NOM1: variants seen among roughly 807,000 people sequenced by gnomAD.
NOM1 encodes nucleolar MIF4G domain-containing protein 1.
A neutral mutation model predicts 73.3 loss-of-function variants in NOM1; 58 were observed. That is an observed-to-expected ratio of 0.79 (90% CI 0.64 to 0.99). The LOEUF (loss-of-function observed/expected upper bound fraction) is 0.99, where lower values mean the gene tolerates loss of function less well. Ranked by LOEUF, NOM1 falls within the 50% of genes least tolerant of loss-of-function variation. The pLI, the probability that NOM1 is intolerant of heterozygous loss-of-function variation, is 0.00. For synonymous variants in NOM1, 487 were observed against 446.8 expected (o/e 1.09, Z -1.14); for missense variants, 1,226 against 1,131.9 (o/e 1.08, Z -1.19).
At position 156,969,860 on chromosome 7, in the gene NOM1, T is replaced by C. The variant is rs1042418631; in HGVS notation, c.*157T>C. On this transcript the variant is annotated 3_prime_UTR_variant, in exon 11 of 11. Coordinates refer to ENST00000275820, the MANE Select transcript of NOM1 (RefSeq NM_138400.2). ...AGATTTTTTTTGATCTAAGGTTTTA[T>C]TGTTTGTATTTCAAGCCATTTTCAA... The C allele has an allele frequency of 1.5e-6, 1 of 682,494 alleles. No homozygotes were observed. Among genetic ancestry groups the C allele is most frequent in the Non-Finnish European group, 2.2e-6 (1 of 454,126 alleles). The allele number at this position is 682,494 out of a possible 1,614,324, so 42.3% of individuals were successfully genotyped here.
At chr7:156,956,027 A>G (rs1219422549) in intron 3 of NOM1, among the ~76,000 whole-genome samples, 3 of 152,024 alleles carry the variant, frequency 2.0e-5, no homozygotes, top group Non-Finnish European at 2.9e-5. Flanking sequence ...CGTCTCTACT[A>G]AAAATACAAA....
At chr7:156,967,542 T>TTC (rs1554589236) in intron 9 of NOM1, among the ~76,000 whole-genome samples, 5 of 151,206 alleles carry the variant, frequency 3.3e-5, no homozygotes, top group African/African-American at 9.7e-5. Flanking sequence ...TCTTTTTTCT[T>TTC]CCCCCCCCAA....
chr7:156,957,774 C>CAAAAAA (rs10549596), intron 3 of NOM1, among the ~76,000 whole-genome samples: 195 of 115,414 alleles, frequency 1.7e-3, no homozygotes, highest in East Asian at 2.3e-3. Context: ...GACTCCGTCT[C>CAAAAAA]AAAAAAAAAA....
At chr7:156,968,979 G>C in intron 9 of NOM1, 108 bp from the exon 10 acceptor site, 1 of 678,066 alleles carries the variant, frequency 1.5e-6, no homozygotes, top group South Asian at 1.6e-5. Flanking sequence ...CGGGTAGAGT[G>C]GGGGAAGGGG....
chr7:156,965,363 G>T (rs1804968199), intron 7 of NOM1, among the ~76,000 whole-genome samples: 1 of 152,240 alleles, frequency 6.6e-6, no homozygotes, highest in African/African-American at 2.4e-5. Flanking sequence ...CAAGAGCATG[G>T]TGACTCTCGA....
rs1804933007 is a variant in NOM1 at position 156,963,931 on chromosome 7, C to T, written c.1938C>T (p.Ala646=). Residue 646 remains alanine, a synonymous_variant, in exon 7 of 11, where the codon GCC becomes GCT. Coordinates refer to ENST00000275820, the MANE Select transcript of NOM1 (RefSeq NM_138400.2). ...TCAGTTCAAAGATCCTAGAACTCGC[C>T]CGGAAGCAGAGGATGAACACAGACA... The part of the protein sequence containing the change: ...GTVSSKILEL[A]RKQRMNTDIR... 2 of 1,613,882 alleles carry T rather than the reference C, an allele frequency of 1.2e-6. No individual in the cohort carries two copies. The highest frequency in any genetic ancestry group is 1.7e-6 in the Non-Finnish European group (2 of 1,179,954).
At chr7:156,961,950 C>G (rs2134788414) in intron 4 of NOM1, among the ~76,000 whole-genome samples, 1 of 152,142 alleles carries the variant, frequency 6.6e-6, no homozygotes, top group South Asian at 2.1e-4. Context: ...TTGGGGGACA[C>G]ATTTCCATTT....
rs1804745799 is a variant in NOM1 at position 156,957,218 on chromosome 7, A to G, written c.1309-2633A>G. On this transcript the variant is annotated intron_variant, in intron 3 of 10. Transcript: ENST00000275820. ...TCCATTCAGCTGCTTTCAGTCCTGTACCGAGAAAAACATTCTGTGTTAAAG... is the reference window on the plus strand; with the variant it reads ...TCCATTCAGCTGCTTTCAGTCCTGTGCCGAGAAAAACATTCTGTGTTAAAG... Among the ~76,000 whole-genome samples, 2 of 152,190 alleles carry G rather than the reference A, an allele frequency of 1.3e-5. 1 individual carries two copies. Among genetic ancestry groups the G allele is most frequent in the South Asian group, 4.1e-4 (2 of 4,832 alleles).
rs1031874838 is a variant in NOM1, at chr7:156,967,097, G to A, written c.2298+5G>A. 2.5e-6 allele frequency: 4 copies of A among 1,610,304 alleles called. No individual in the cohort carries two copies. The highest frequency in any genetic ancestry group is 3.4e-6 in the Non-Finnish European group (4 of 1,178,888). On this transcript the variant is annotated splice_donor_5th_base_variant and intron_variant, in intron 9 of 10. Transcript: ENST00000275820. ...CTTTCCCTTTCCATCTTAAAGGTTC[G>A]TGTAACGTGTGAAAATATTGAAAGC...
Position 156,966,997 on chromosome 7 carries a change from G to T in NOM1, c.2203G>T (p.Asp735Tyr). ...GTTCAGCATATGGGACAAATTTCGG[G>T]ACTTGGAAAACTTGCCAGCTACGAA... ...FQFSIWDKFR[D>Y]LENLPATNFS... The change falls in exon 9 of 11, where the codon GAC (aspartate) becomes TAC (tyrosine). Residue 735 changes from aspartate (D) to tyrosine (Y), a missense_variant. Coordinates refer to ENST00000275820, the MANE Select transcript of NOM1 (RefSeq NM_138400.2). 1 of 1,613,642 alleles carries T rather than the reference G, an allele frequency of 6.2e-7. No individual in the cohort carries two copies. Among genetic ancestry groups the T allele is most frequent in the South Asian group, 1.1e-5 (1 of 91,012 alleles).
At position 156,969,561 on chromosome 7, in the gene NOM1, G is replaced by A. The variant is rs745759785; in HGVS notation, c.2441G>A (p.Arg814His). 28 of 1,613,758 alleles carry A rather than the reference G, an allele frequency of 1.7e-5. No homozygotes were observed. The highest frequency in any genetic ancestry group is 4.4e-5 in the South Asian group (4 of 91,068). ...GACAACCCAAAGCTGGGGGTGTTAC[G>A]TGAGGGTTTGAAGCTTTTCATCAGC... ...VSDNPKLGVL[R>H]EGLKLFISHF... The change falls in exon 11 of 11, where the codon CGT (arginine) becomes CAT (histidine). Residue 814 changes from arginine to histidine, a missense_variant. Coordinates refer to ENST00000275820, the MANE Select transcript of NOM1 (RefSeq NM_138400.2).
At chr7:156,959,799 A>T in intron 3 of NOM1, 52 bp from the exon 4 acceptor site, 13 of 1,539,250 alleles carry the variant, frequency 8.4e-6, no homozygotes, top group Non-Finnish European at 1.2e-5. Context: ...GTTGAAGGAG[A>T]AAGGAAGGTT....
rs34176770 is a variant in NOM1, at chr7:156,954,522, C to CTTTTTTTTTTTTTTT, written c.1308+230_1308+244dup. ...ACTTTGCTTTTTTGTTCTGTCCATT[C>CTTTTTTTTTTTTTTT]TTTTTTTTTTTTTTTTTTTTGAGAC... On this transcript the variant is annotated intron_variant, in intron 3 of 10. Transcript: ENST00000275820. Among the ~76,000 whole-genome samples the CTTTTTTTTTTTTTTT allele has an allele frequency of 7.7e-4, 78 of 101,642 alleles. 4 individuals are homozygous for CTTTTTTTTTTTTTTT. The highest frequency in any genetic ancestry group is 1.2e-3 in the Non-Finnish European group (61 of 52,544). The allele number at this position is 101,642 out of a possible 152,430, so 66.7% of individuals were successfully genotyped here. A position where few individuals can be genotyped will look rare whatever the true frequency, so the allele number is the denominator to read the frequency against.
intron 2 of NOM1, 137 bp from the exon 3 acceptor site, chr7:156,953,966 A>C (rs1804656125): frequency 1.5e-6 from 1 of 661,254 alleles, no homozygotes. Flanking sequence ...GGGCAAGATA[A>C]GAATAGTTAA....
Position 156,959,854 on chromosome 7 carries a change from G to A in NOM1, c.1312G>A (p.Gly438Ser), listed in dbSNP as rs777877933. 2.5e-5 allele frequency: 40 copies of A among 1,613,692 alleles called. No individual in the cohort carries two copies. Among genetic ancestry groups the A allele is most frequent in the South Asian group, 1.3e-4 (12 of 91,056 alleles). ...TTTTTCTGTGTGGTTCTTTCAGGTC[G>A]GTGCCCACTTTCTGGAGGCAGTGGT... is the stretch of plus-strand genomic sequence containing the variant. ...ILHHTVGIEVGAHFLEAVVRK... is the reference protein window; with the variant it reads ...ILHHTVGIEVSAHFLEAVVRK... The change falls in exon 4 of 11, where the codon GGT becomes AGT. Residue 438 changes from glycine (G) to serine (S), a missense_variant. By Grantham distance (56) the Gly-to-Ser change is moderately conservative. Coordinates refer to ENST00000275820, the MANE Select transcript of NOM1 (RefSeq NM_138400.2).
chr7:156,968,112 C>G (rs1350056713), intron 9 of NOM1, among the ~76,000 whole-genome samples: 1 of 152,176 alleles, frequency 6.6e-6, no homozygotes, highest in Non-Finnish European at 1.5e-5. Context: ...AGTTTGGCCA[C>G]TGTACTGAAA....
At chr7:156,951,982 C>T (rs1426165801) in intron 1 of NOM1, among the ~76,000 whole-genome samples, 1 of 152,086 alleles carries the variant, frequency 6.6e-6, no homozygotes, top group Non-Finnish European at 1.5e-5. Flanking sequence ...CTGGGATTAC[C>T]GACATGAGCC....
intron 1 of NOM1, among the ~76,000 whole-genome samples, chr7:156,951,430 C>T (rs1297361987): frequency 6.6e-6 from 1 of 152,132 alleles, no homozygotes. Flanking sequence ...GCAATCAAGG[C>T]ATTCATGGGC....
chr7:156,950,087 A>G lies in NOM1; in HGVS notation c.350A>G (p.Glu117Gly). 6.5e-7 allele frequency: 1 copy of G among 1,546,376 alleles called. No individual in the cohort carries two copies. The highest frequency in any genetic ancestry group is 8.7e-7 in the Non-Finnish European group (1 of 1,148,022). The change falls in exon 1 of 11, where the codon GAA becomes GGA. Residue 117 changes from glutamate (E) to glycine (G), a missense_variant. Physicochemically the swap from Glu to Gly is moderately conservative, Grantham distance 98 (BLOSUM62 -2). Coordinates refer to ENST00000275820, the MANE Select transcript of NOM1 (RefSeq NM_138400.2). ...GGCCTGGGAGGCCGAAGCGGAGCCG[A>G]AGAAGCCAGCGGTCACCGGCAGGAC... ...GPGLGGRSGA[E>G]EASGHRQDTE...
Sources: allele counts gnomAD v4.1 joint callset (sites outside exome capture counted in the v4.1 genomes callset), GRCh38; gene constraint gnomAD v4.1.1; transcripts MANE v1.5; gene names NCBI Gene and HGNC (gene_info 2026-07-23, HGNC 2026-07-21).